The following MARCHF1 variants were observed in gnomAD, a reference collection of about 807,000 sequenced individuals.
MARCHF1 encodes the protein membrane associated ring-CH-type finger 1.
A neutral mutation model predicts 54.2 loss-of-function variants in MARCHF1; 40 were observed. The observed-to-expected ratio is 0.74, with a 90% confidence interval of 0.57 to 0.96. MARCHF1 has a LOEUF of 0.96. Among genes scored for constraint, MARCHF1 ranks in the 40% least tolerant of loss-of-function variants. MARCHF1 has a pLI of 0.00. For missense variants in MARCHF1, 586 were observed against 656.5 expected, an observed-to-expected ratio of 0.89 and a Z score of 1.17; for synonymous variants, 236 against 236.3, an observed-to-expected ratio of 1.00 and a Z score of 0.01.
At position 163,689,677 on chromosome 4, in the gene MARCHF1, C is replaced by T. The variant is rs1277058098; in HGVS notation, c.162+11136G>A. On this transcript the variant is annotated intron_variant, in intron 5 of 9. Coordinates refer to ENST00000514618, the MANE Select transcript of MARCHF1 (RefSeq NM_001394959.1). ...GATTTTTTTTTTTTCCCAGGCATCT[C>T]CTAAAGTAAATCCTTTTTCATCTTG... Among the ~76,000 whole-genome samples the T allele has an allele frequency of 2.6e-5, 4 of 151,448 alleles. No homozygotes were observed. In the East Asian group the frequency reaches 7.8e-4, roughly 29 times the overall value.
At chr4:163,554,473 A>G (rs1443055856) in intron 8 of MARCHF1, among the ~76,000 whole-genome samples, 1 of 152,182 alleles carries the variant, frequency 6.6e-6, no homozygotes, top group Non-Finnish European at 1.5e-5. Flanking sequence ...GGAGAGGAGT[A>G]CAATGTGGTA....
intron 4 of MARCHF1, among the ~76,000 whole-genome samples, chr4:163,771,924 T>C (rs1747172909): frequency 6.6e-6 from 1 of 152,120 alleles, no homozygotes; most frequent in African/African-American, 2.4e-5. Context: ...AACATAAAAA[T>C]GGTGACTAAA....
chr4:164,159,464 A>G (rs1730170988), intron 1 of MARCHF1, among the ~76,000 whole-genome samples: 1 of 152,178 alleles, frequency 6.6e-6, no homozygotes, highest in South Asian at 2.1e-4. Context: ...CCAATGGGTA[A>G]AAGACACAAT....
At chr4:164,137,957 T>C (rs1413819146) in intron 1 of MARCHF1, among the ~76,000 whole-genome samples, 1 of 152,196 alleles carries the variant, frequency 6.6e-6, no homozygotes, top group Non-Finnish European at 1.5e-5. Flanking sequence ...CATTTTTCCC[T>C]GGTGGTAATT....
intron 5 of MARCHF1, among the ~76,000 whole-genome samples, chr4:163,629,583 C>G (rs1331378224): frequency 2.6e-5 from 4 of 152,114 alleles, no homozygotes; most frequent in African/African-American, 9.7e-5. Context: ...AAAAGAGCCT[C>G]TGCACAGCAA....
At chr4:163,781,758 G>C (rs1747472469) in intron 4 of MARCHF1, among the ~76,000 whole-genome samples, 1 of 152,100 alleles carries the variant, frequency 6.6e-6, no homozygotes, top group African/African-American at 2.4e-5. Context: ...AAAAGAGAAG[G>C]AATAATTTAA....
chr4:164,337,555 G>T (rs919261723), intron 1 of MARCHF1, among the ~76,000 whole-genome samples: 1 of 152,198 alleles, frequency 6.6e-6, no homozygotes, highest in Non-Finnish European at 1.5e-5. Flanking sequence ...TGGGAGCAGG[G>T]AAAAGAGGTC....
At chr4:163,816,861 T>TC (rs1219407657) in intron 4 of MARCHF1, among the ~76,000 whole-genome samples, 1 of 151,778 alleles carries the variant, frequency 6.6e-6, no homozygotes, top group Non-Finnish European at 1.5e-5. Context: ...TTCACTTCAC[T>TC]CCCCCCGCTG....
chr4:163,533,618 T>TC (rs1738430785), intron 9 of MARCHF1, among the ~76,000 whole-genome samples: 2 of 146,248 alleles, frequency 1.4e-5, no homozygotes, highest in African/African-American at 2.7e-5. Flanking sequence ...GAACTCTCTC[T>TC]TTACCTTCTT....
intron 3 of MARCHF1, among the ~76,000 whole-genome samples, chr4:163,979,946 C>T (rs546992629): frequency 5.9e-5 from 9 of 151,952 alleles, no homozygotes; most frequent in South Asian, 2.1e-4. Context: ...GAGTAGGTTG[C>T]GAAAATTTTC....
chr4:163,829,598 A>C (rs1233633242), intron 4 of MARCHF1, among the ~76,000 whole-genome samples: 1 of 152,196 alleles, frequency 6.6e-6, no homozygotes, highest in Non-Finnish European at 1.5e-5. Context: ...ACAGAAGTGC[A>C]CGCAGGCTCA....
intron 1 of MARCHF1, among the ~76,000 whole-genome samples, chr4:164,147,701 T>G (rs1299910518): frequency 7.3e-6 from 1 of 137,284 alleles, no homozygotes; most frequent in Non-Finnish European, 1.6e-5. Flanking sequence ...AGGGATAGCA[T>G]TGGGAGATAT....
chr4:164,155,982 G>A (rs1415976104), intron 1 of MARCHF1, among the ~76,000 whole-genome samples: 3 of 152,068 alleles, frequency 2.0e-5, no homozygotes, highest in African/African-American at 7.2e-5. Flanking sequence ...ATTTTCGGGG[G>A]AAGTATCTAC....
At chr4:163,770,478 A>G (rs528698243) in intron 4 of MARCHF1, among the ~76,000 whole-genome samples, 2 of 152,178 alleles carry the variant, frequency 1.3e-5, no homozygotes, top group African/African-American at 4.8e-5. Flanking sequence ...GTACTGGTAC[A>G]TAACATAGAA....
At chr4:163,661,798 C>T (rs1466919560) in intron 5 of MARCHF1, among the ~76,000 whole-genome samples, 1 of 151,998 alleles carries the variant, frequency 6.6e-6, no homozygotes, top group Non-Finnish European at 1.5e-5. Flanking sequence ...CTTGCAACTG[C>T]TGATTTCTTC....
At chr4:164,095,225 A>G (rs889898012) in intron 2 of MARCHF1, among the ~76,000 whole-genome samples, 1 of 152,142 alleles carries the variant, frequency 6.6e-6, no homozygotes, top group African/African-American at 2.4e-5. Flanking sequence ...ATTCCTCATT[A>G]GCCACCACTC....
chr4:163,908,286 T>TA (rs1751114000), intron 3 of MARCHF1, among the ~76,000 whole-genome samples: 1 of 152,156 alleles, frequency 6.6e-6, no homozygotes, highest in African/African-American at 2.4e-5. Context: ...ATTAATCATG[T>TA]ACCTATGACA....
At chr4:163,955,188 G>C (rs1274397827) in intron 3 of MARCHF1, among the ~76,000 whole-genome samples, 1 of 148,258 alleles carries the variant, frequency 6.7e-6, no homozygotes, top group East Asian at 2.0e-4. Context: ...AGTTCTAATG[G>C]CTTTCCTAAT....
chr4:164,081,040 C>G (rs1190247685), intron 2 of MARCHF1, among the ~76,000 whole-genome samples: 1 of 147,742 alleles, frequency 6.8e-6, no homozygotes, highest in Non-Finnish European at 1.5e-5. Context: ...AACCCCGTGT[C>G]TACTAAAAAT....
Sources: allele counts gnomAD v4.1 joint callset (sites outside exome capture counted in the v4.1 genomes callset), GRCh38; gene constraint gnomAD v4.1.1; transcripts MANE v1.5; gene names NCBI Gene and HGNC (gene_info 2026-07-23, HGNC 2026-07-21).